The following RPS6KC1 variants were observed in gnomAD, a reference collection of about 807,000 sequenced individuals.
RPS6KC1 encodes the protein ribosomal protein S6 kinase C1.
In RPS6KC1, 54 loss-of-function variants were observed where a neutral mutation model predicts 103.8. That is an observed-to-expected ratio of 0.52 (90% CI 0.42 to 0.65). The LOEUF (loss-of-function observed/expected upper bound fraction) is 0.65, where lower values mean the gene tolerates loss of function less well. Among genes scored for constraint, RPS6KC1 ranks in the 30% least tolerant of loss-of-function variants. The probability of loss-of-function intolerance (pLI) is 0.00; values close to 1 mark genes in which losing one functional copy is unlikely to be tolerated. For synonymous variants in RPS6KC1, 439 were observed against 438.7 expected (o/e 1.00, Z -0.01); for missense variants, 1,151 against 1,253.8 (o/e 0.92, Z 1.24).
At chr1:213,119,479 T>G in intron 5 of RPS6KC1, among the ~76,000 whole-genome samples, 1 of 25,974 alleles carries the variant, frequency 3.9e-5, no homozygotes, top group Non-Finnish European at 9.0e-5. Flanking sequence ...TATATATATA[T>G]ATATATATAT....
chr1:213,231,623 C>A (rs576079687), intron 9 of RPS6KC1, among the ~76,000 whole-genome samples: 12 of 152,230 alleles, frequency 7.9e-5, no homozygotes, highest in Admixed American at 3.9e-4. Flanking sequence ...TCTTTAAAAA[C>A]AGAGTATGAC....
chr1:213,150,295 G>GTTGT (rs1345745717), intron 6 of RPS6KC1, among the ~76,000 whole-genome samples: 21 of 148,080 alleles, frequency 1.4e-4, no homozygotes, highest in African/African-American at 4.9e-4. Context: ...TACATTATAT[G>GTTGT]TTATTTATTT....
At chr1:213,443,854 C>T in the RPS6KC1 span, among the ~76,000 whole-genome samples, 18 of 152,060 alleles carry the variant, frequency 1.2e-4, no homozygotes, top group South Asian at 3.7e-3. Context: ...GCAGTGAGAT[C>T]GCGCCACTGC....
At chr1:213,778,138 A>C in the RPS6KC1 span, among the ~76,000 whole-genome samples, 1 of 152,146 alleles carries the variant, frequency 6.6e-6, no homozygotes, top group Non-Finnish European at 1.5e-5. Context: ...CTTCATTTTT[A>C]GTTGATATTC....
chr1:213,736,213 T>A, the RPS6KC1 span, among the ~76,000 whole-genome samples: 1 of 152,200 alleles, frequency 6.6e-6, no homozygotes, highest in Non-Finnish European at 1.5e-5. Context: ...TCAGTTTCCA[T>A]GGGTCAGTAG....
In RPS6KC1 at chr1:213,172,105, G is replaced by A. The variant is rs147045757; in HGVS notation, c.951+4132G>A. Among the ~76,000 whole-genome samples, 183 of 152,310 alleles carry A rather than the reference G, an allele frequency of 1.2e-3. 2 individuals carry two copies. Among genetic ancestry groups the A allele is most frequent in the African/African-American group, 4.1e-3 (171 of 41,558 alleles). ...CATCACCTGAGAGCTAGGTGGAAAT[G>A]CAGAATATCAGACCTACTGAATCAG... is the stretch of plus-strand genomic sequence containing the variant. On this transcript the variant is annotated intron_variant, in intron 7 of 14. Coordinates refer to ENST00000366960, the MANE Select transcript of RPS6KC1 (RefSeq NM_012424.6).
chr1:213,118,957 C>G (rs765287954), intron 5 of RPS6KC1, among the ~76,000 whole-genome samples: 1 of 151,876 alleles, frequency 6.6e-6, no homozygotes, highest in Admixed American at 6.6e-5. Flanking sequence ...GAGATCCTTG[C>G]GAAGGTTTGG....
chr1:213,707,505 C>T, the RPS6KC1 span, among the ~76,000 whole-genome samples: 1 of 152,040 alleles, frequency 6.6e-6, no homozygotes, highest in African/African-American at 2.4e-5. Flanking sequence ...GTTGCCTGTT[C>T]ACTCAGATGA....
chr1:213,094,494 C>T (rs193260891), intron 3 of RPS6KC1, among the ~76,000 whole-genome samples: 36 of 151,650 alleles, frequency 2.4e-4, no homozygotes, highest in Non-Finnish European at 4.0e-4. Flanking sequence ...TTTTAAAGAA[C>T]GTAGAACAGT....
chr1:213,366,129 C>T, the RPS6KC1 span, among the ~76,000 whole-genome samples: 1 of 152,204 alleles, frequency 6.6e-6, no homozygotes, highest in Non-Finnish European at 1.5e-5. Flanking sequence ...GTCCATCTCG[C>T]ATTAAGAGGG....
chr1:213,475,348 A>G, the RPS6KC1 span, among the ~76,000 whole-genome samples: 1 of 152,090 alleles, frequency 6.6e-6, no homozygotes, highest in Admixed American at 6.5e-5. Flanking sequence ...CCCCCTTTCA[A>G]AGGCATATTT....
the RPS6KC1 span, among the ~76,000 whole-genome samples, chr1:213,361,101 T>C: frequency 1.3e-5 from 2 of 152,214 alleles, no homozygotes; most frequent in Non-Finnish European, 2.9e-5. Flanking sequence ...ACAGGGACAT[T>C]TAAGTCTGCA....
At chr1:213,143,823 CTTTT>C (rs540171345) in intron 6 of RPS6KC1, among the ~76,000 whole-genome samples, 5 of 136,034 alleles carry the variant, frequency 3.7e-5, no homozygotes, top group African/African-American at 1.1e-4. Context: ...TGAGCAGCAC[CTTTT>C]TTTTTTTTTT....
At chr1:213,066,805 G>T (rs1163371290) in intron 1 of RPS6KC1, among the ~76,000 whole-genome samples, 1 of 152,156 alleles carries the variant, frequency 6.6e-6, no homozygotes, top group Non-Finnish European at 1.5e-5. Context: ...GCATCTCATT[G>T]TTTGGATGCA....
the RPS6KC1 span, among the ~76,000 whole-genome samples, chr1:213,678,005 CA>C: frequency 0.54 from 76,585 of 141,080 alleles, 19,978 homozygotes; most frequent in African/African-American, 0.63. Flanking sequence ...GACTCTGTCT[CA>C]AAAAAAAAAA....
At chr1:213,862,052 G>T in the RPS6KC1 span, among the ~76,000 whole-genome samples, 4 of 152,144 alleles carry the variant, frequency 2.6e-5, no homozygotes, top group South Asian at 4.1e-4. Context: ...AGGTGAGCAG[G>T]TCTTTCCCAC....
At chr1:213,253,773 T>G (rs1189783206) in intron 12 of RPS6KC1, among the ~76,000 whole-genome samples, 2 of 152,226 alleles carry the variant, frequency 1.3e-5, no homozygotes, top group African/African-American at 4.8e-5. Context: ...GAGTGTGTAC[T>G]GTTCTTCTTT....
the RPS6KC1 span, among the ~76,000 whole-genome samples, chr1:213,650,864 C>T: frequency 6.6e-6 from 1 of 150,818 alleles, no homozygotes; most frequent in African/African-American, 2.5e-5. Flanking sequence ...GGTTATCAGC[C>T]TAGCCCAGAG....
At chr1:213,371,302 A>G in the RPS6KC1 span, among the ~76,000 whole-genome samples, 1 of 152,176 alleles carries the variant, frequency 6.6e-6, no homozygotes, top group East Asian at 1.9e-4. Flanking sequence ...TTAAGGCTGA[A>G]TAATATTCCA....
Sources: gnomAD v4.1 joint callset for allele counts (sites outside exome capture counted in the v4.1 genomes callset) on GRCh38, gnomAD v4.1.1 for gene constraint, MANE v1.5 for transcripts, NCBI Gene and HGNC (gene_info 2026-07-23, HGNC 2026-07-21) for gene names.